RIMS2: variants seen among roughly 807,000 people sequenced by gnomAD.
RIMS2 encodes regulating synaptic membrane exocytosis protein 2.
In RIMS2, 59 loss-of-function variants were observed where a neutral mutation model predicts 174.4. That is an observed-to-expected ratio of 0.34 (90% confidence interval 0.27 to 0.42). The LOEUF (loss-of-function observed/expected upper bound fraction) is 0.42. Ranked by LOEUF, RIMS2 falls within the 10% of genes least tolerant of loss-of-function variation. The pLI, the probability that RIMS2 is intolerant of heterozygous loss-of-function variation, is 1.00. For synonymous variants in RIMS2, 606 were observed against 572.5 expected (o/e 1.06, Z -0.84); for missense variants, 1,620 against 1,666.3 (o/e 0.97, Z 0.48).
chr8:103,769,612 C>T (rs2098226051), intron 3 of RIMS2, among the ~76,000 whole-genome samples: 1 of 152,166 alleles, frequency 6.6e-6, no homozygotes, highest in Non-Finnish European at 1.5e-5. Context: ...AGGCGTGAGC[C>T]ACCGTGCCCG....
At chr8:103,898,515 G>T (rs1348986825) in intron 4 of RIMS2, among the ~76,000 whole-genome samples, 1 of 151,572 alleles carries the variant, frequency 6.6e-6, no homozygotes, top group Non-Finnish European at 1.5e-5. Flanking sequence ...CTACTTGATT[G>T]AGTTTATAGT....
At chr8:103,895,155 C>A (rs2099270110) in intron 4 of RIMS2, among the ~76,000 whole-genome samples, 1 of 143,518 alleles carries the variant, frequency 7.0e-6, no homozygotes, top group South Asian at 2.2e-4. Flanking sequence ...TCTTATTTTC[C>A]TGTAATTCTT....
At chr8:104,213,500 G>A (rs1478475193) in intron 19 of RIMS2, among the ~76,000 whole-genome samples, 4 of 152,232 alleles carry the variant, frequency 2.6e-5, no homozygotes, top group South Asian at 2.1e-4. Flanking sequence ...AGTCATTCCC[G>A]TTTGCTCATT....
chr8:104,194,779 G>A (rs1309417204), intron 19 of RIMS2, among the ~76,000 whole-genome samples: 1 of 152,168 alleles, frequency 6.6e-6, no homozygotes, highest in Non-Finnish European at 1.5e-5. Context: ...TAGAGAGACT[G>A]GGAATTGTTC....
chr8:103,711,370 A>G (rs2097301184), intron 2 of RIMS2, among the ~76,000 whole-genome samples: 1 of 152,206 alleles, frequency 6.6e-6, no homozygotes, highest in African/African-American at 2.4e-5. Context: ...GATTTTTGGC[A>G]AGATTCTATT....
chr8:103,838,572 C>T (rs940847691), intron 3 of RIMS2, among the ~76,000 whole-genome samples: 1 of 152,172 alleles, frequency 6.6e-6, no homozygotes, highest in Non-Finnish European at 1.5e-5. Flanking sequence ...AGCACAGATA[C>T]CAATCTCAAC....
At chr8:104,142,821 C>T (rs1353030721) in intron 19 of RIMS2, among the ~76,000 whole-genome samples, 1 of 152,210 alleles carries the variant, frequency 6.6e-6, no homozygotes, top group African/African-American at 2.4e-5. Flanking sequence ...CACACAGACA[C>T]ACGCGTGCAC....
intron 19 of RIMS2, among the ~76,000 whole-genome samples, chr8:104,061,823 C>T (rs2096997584): frequency 6.6e-6 from 1 of 151,654 alleles, no homozygotes; most frequent in African/African-American, 2.4e-5. Flanking sequence ...CTGTTTTGCA[C>T]CTTTAGGAAT....
intron 14 of RIMS2, among the ~76,000 whole-genome samples, chr8:103,947,447 A>G (rs2084077161): frequency 6.6e-6 from 1 of 152,196 alleles, no homozygotes; most frequent in African/African-American, 2.4e-5. Context: ...GTAGCCTACT[A>G]TACACCTCAG....
chr8:103,959,202 T>A (rs1339882582), intron 14 of RIMS2, among the ~76,000 whole-genome samples: 1 of 119,270 alleles, frequency 8.4e-6, no homozygotes, highest in Non-Finnish European at 1.8e-5. Context: ...ACACCTGTAT[T>A]AAAAACCAGA....
chr8:104,094,376 T>C, intron 19 of RIMS2: 1 of 559,706 alleles, frequency 1.8e-6, no homozygotes. Flanking sequence ...TATGTTTTGA[T>C]AGTTTTTATT....
intron 1 of RIMS2, among the ~76,000 whole-genome samples, chr8:103,612,764 G>T (rs923848280): frequency 8.5e-5 from 13 of 152,098 alleles, no homozygotes; most frequent in Non-Finnish European, 4.4e-5. Context: ...TAGAGACAGG[G>T]TTTCACAATG....
chr8:103,596,070 A>C (rs2094467846), intron 1 of RIMS2, among the ~76,000 whole-genome samples: 1 of 151,922 alleles, frequency 6.6e-6, no homozygotes, highest in Non-Finnish European at 1.5e-5. Context: ...AATTTGTCTT[A>C]ATTTGAACTT....
At chr8:104,146,372 C>T (rs2098640140) in intron 19 of RIMS2, among the ~76,000 whole-genome samples, 1 of 152,054 alleles carries the variant, frequency 6.6e-6, no homozygotes, top group Non-Finnish European at 1.5e-5. Flanking sequence ...GAGCAAAACA[C>T]CATCTCTAAA....
chr8:103,884,767 A>G (rs947615550), intron 3 of RIMS2, among the ~76,000 whole-genome samples: 3 of 151,958 alleles, frequency 2.0e-5, no homozygotes, highest in Admixed American at 6.6e-5. Flanking sequence ...ATGAAAATTT[A>G]GGTGAACCAA....
rs1242332978 is a variant in RIMS2, at chr8:103,592,778, A to T, written c.176+91716A>T. On this transcript the variant is annotated intron_variant, in intron 1 of 23. Coordinates refer to ENST00000504942, the Ensembl canonical transcript of RIMS2. Reference sequence around the variant, plus strand: ...TTAGTACACATTTTTCACAAGACACATGCAGAAAATAAAAGTCAAGTTGAC... The same window carrying T: ...TTAGTACACATTTTTCACAAGACACTTGCAGAAAATAAAAGTCAAGTTGAC... Among the ~76,000 whole-genome samples the T allele has an allele frequency of 7.3e-5, 11 of 151,594 alleles. No homozygotes were observed. In the East Asian group the frequency reaches 1.9e-3, roughly 27 times the overall value.
intron 3 of RIMS2, among the ~76,000 whole-genome samples, chr8:103,861,571 G>T (rs1378357783): frequency 3.3e-5 from 5 of 152,102 alleles, no homozygotes; most frequent in African/African-American, 9.7e-5. Context: ...TTCTACAGAG[G>T]TTGTACCAAT....
intron 2 of RIMS2, among the ~76,000 whole-genome samples, chr8:103,706,691 T>C (rs536174731): frequency 6.6e-6 from 1 of 152,144 alleles, no homozygotes; most frequent in East Asian, 1.9e-4. Flanking sequence ...TGTTATTTGC[T>C]TCTTTTCTCT....
chr8:104,119,234 C>A (rs1359389066), intron 19 of RIMS2, among the ~76,000 whole-genome samples: 1 of 151,680 alleles, frequency 6.6e-6, no homozygotes, highest in Non-Finnish European at 1.5e-5. Flanking sequence ...GCGGCATGCA[C>A]CTGTAGTCCC....
Sources: gnomAD v4.1 joint callset for allele counts (sites outside exome capture counted in the v4.1 genomes callset) on GRCh38, gnomAD v4.1.1 for gene constraint, MANE v1.5 for transcripts, NCBI Gene and HGNC (gene_info 2026-07-23, HGNC 2026-07-21) for gene names.